FUS: variants seen among roughly 807,000 people sequenced by gnomAD.
The protein encoded by FUS is FUS RNA binding protein, also known as RNA-binding protein FUS.
Under a neutral mutation model 82.7 loss-of-function variants are expected in FUS, and 5 were observed. The observed-to-expected ratio is 0.06, with a 90% CI of 0.03 to 0.13. The LOEUF (loss-of-function observed/expected upper bound fraction) is 0.13, where lower values mean the gene tolerates loss of function less well. FUS is among the 10% of genes least tolerant of loss of function. The pLI, the probability that FUS is intolerant of heterozygous loss-of-function variation, is 1.00. For missense variants in FUS, 512 were observed against 707.8 expected (o/e 0.72, Z 3.14); for synonymous variants, 281 against 247.4 (o/e 1.14, Z -1.27).
intron 6 of FUS, chr16:31,185,875 A>AAGT (rs1434262762): frequency 3.8e-6 from 1 of 263,072 alleles, no homozygotes; most frequent in East Asian, 5.6e-5. Flanking sequence ...AGTTGATTTG[A>AAGT]AGTAAAACCT....
chr16:31,191,660 A>T, downstream of FUS: 1 of 701,206 alleles, frequency 1.4e-6, no homozygotes, highest in Non-Finnish European at 2.6e-6. Context: ...CCCGATCAGG[A>T]AGGTAGAGAG....
chr16:31,190,721 A>T, intron 12 of FUS, 21 bp from the exon 13 acceptor site: 1 of 1,606,808 alleles, frequency 6.2e-7, no homozygotes, highest in South Asian at 1.1e-5. Context: ...CTCCAGACTG[A>T]TTGTCTTCCT....
chr16:31,193,885 G>C, downstream of FUS: 1 of 527,634 alleles, frequency 1.9e-6, no homozygotes, highest in African/African-American at 1.9e-5. Flanking sequence ...GGCCTCAAGT[G>C]ACCTGCCTGC....
intron 9 of FUS, 71 bp downstream of exon 9, chr16:31,189,297 C>G: frequency 8.6e-7 from 1 of 1,157,692 alleles, no homozygotes; most frequent in Non-Finnish European, 1.3e-6. Flanking sequence ...TTAGTAAAAG[C>G]AAGTCTTTAA....
At chr16:31,187,518 A>G (rs528578535) in intron 7 of FUS, 1 of 228,962 alleles carries the variant, frequency 4.4e-6, no homozygotes, top group East Asian at 6.3e-5. Flanking sequence ...AACTGAATTC[A>G]TGGAAAAATG....
chr16:31,189,973 T>C lies in FUS; in HGVS notation c.1067-67T>C, dbSNP rs556693665. The C allele has an allele frequency of 9.7e-5, 151 of 1,559,926 alleles. No individual in the cohort carries two copies. In the African/African-American group the frequency reaches 1.8e-3, roughly 19 times the overall value. ...TATAAACCATTTGAGAAAGGCACGC[T>C]TCTCTTGTATTTTCGGATTAATGTG... On this transcript the variant is annotated intron_variant, in intron 10 of 14. Coordinates refer to ENST00000254108, the MANE Select transcript of FUS (RefSeq NM_004960.4).
At chr16:31,182,073 C>G (rs1596888751) in intron 1 of FUS, 1 of 384,766 alleles carries the variant, frequency 2.6e-6, no homozygotes, top group Non-Finnish European at 5.0e-6. Context: ...TCACTGCAAC[C>G]TCTGCCTCCC....
intron 1 of FUS, chr16:31,182,153 C>T: frequency 2.0e-6 from 1 of 510,264 alleles, no homozygotes; most frequent in Non-Finnish European, 3.6e-6. Flanking sequence ...CCATGCCCGG[C>T]TAATTTTTTG....
chr16:31,194,363 A>G (rs769270805), downstream of FUS: 10 of 520,152 alleles, frequency 1.9e-5, no homozygotes, highest in Admixed American at 6.8e-5. Context: ...ATCTCGACCA[A>G]CTGCAACCTC....
downstream of FUS, chr16:31,193,598 CAT>C: frequency 1.9e-6 from 1 of 529,586 alleles, no homozygotes; most frequent in Non-Finnish European, 3.7e-6. Flanking sequence ...CTTCAAATGG[CAT>C]ATGTGATTGG....
Position 31,190,857 on chromosome 16 carries a change from C to T in FUS, c.1393+15C>T. 6 of 1,613,520 alleles carry T rather than the reference C, an allele frequency of 3.7e-6. No homozygotes were observed. Among genetic ancestry groups the T allele is most frequent in the Non-Finnish European group, 5.1e-6 (6 of 1,179,460 alleles). ...CTCTCACATGGGTAAGAAAGGCAGA[C>T]CTGGTGCTAGGGAGCTGGGACCAAA... On this transcript the variant is annotated intron_variant, in intron 13 of 14. Transcript: ENST00000254108.
At position 31,185,014 on chromosome 16, in the gene FUS, G is replaced by A. The variant is rs2079243524; in HGVS notation, c.599G>A (p.Ser200Asn). Residue 200 changes from serine (S) to asparagine (N), a missense_variant, in exon 6 of 15, where the codon AGT becomes AAT. By Grantham distance (46) the Ser-to-Asn change is conservative. Coordinates refer to ENST00000254108, the MANE Select transcript of FUS (RefSeq NM_004960.4). ...GGCGGTTATGGCAATCAAGACCAGA[G>A]TGGTGGAGGTGGCAGCGGTGGCTAT... The part of the protein sequence containing the change: ...SGGGYGNQDQ[S>N]GGGGSGGYGQ... The A allele has an allele frequency of 1.2e-6, 2 of 1,613,580 alleles. No individual in the cohort carries two copies. The highest frequency in any genetic ancestry group is 1.7e-5 in the Admixed American group (1 of 59,884).
In FUS at chr16:31,190,319, G is replaced by C. The variant is rs749197480; in HGVS notation, c.1213G>C (p.Gly405Arg). The change falls in exon 12 of 15, where the codon GGT becomes CGT. Residue 405 changes from glycine (G) to arginine (R), a missense_variant. By Grantham distance (125) the Gly-to-Arg change is moderately radical (BLOSUM62 -2). Coordinates refer to ENST00000254108, the MANE Select transcript of FUS (RefSeq NM_004960.4). Reference sequence around the variant, plus strand: ...CTATGGAGGTGGTGGCAGTGGTGGTGGTGGCCGAGGAGGATTTCCCAGTGG... The same window carrying C: ...CTATGGAGGTGGTGGCAGTGGTGGTCGTGGCCGAGGAGGATTTCCCAGTGG... The part of the protein sequence containing the change: ...GGYGGGGSGG[G>R]GRGGFPSGGG... 5.0e-6 allele frequency: 8 copies of C among 1,614,164 alleles called. No individual in the cohort carries two copies. The highest frequency in any genetic ancestry group is 5.1e-6 in the Non-Finnish European group (6 of 1,180,006).
At chr16:31,194,762 T>G, downstream of FUS, 1 of 482,920 alleles carries the variant, frequency 2.1e-6, no homozygotes. Context: ...TAGAAAATTT[T>G]GAAATTTATG....
At chr16:31,190,574 G>C (rs1012589353) in intron 12 of FUS, 168 bp from the exon 13 acceptor site, 4 of 1,178,020 alleles carry the variant, frequency 3.4e-6, no homozygotes, top group Non-Finnish European at 5.1e-6. Flanking sequence ...GTAATGGATT[G>C]GGTTCAGTAA....
chr16:31,180,401 C>T (rs1185652614), intron 1 of FUS, among the ~76,000 whole-genome samples, 174 bp downstream of exon 1: 1 of 152,154 alleles, frequency 6.6e-6, no homozygotes, highest in Non-Finnish European at 1.5e-5. Context: ...CATTTTGTTT[C>T]GCTCCTCTGG....
rs781687565 is a variant in FUS at position 31,191,362 on chromosome 16, T to C, written c.1542-37T>C. On this transcript the variant is annotated intron_variant, in intron 14 of 14. Transcript: ENST00000254108. ...GGCTTGGAGAGGCTGGTAACTCAAA[T>C]ATAATGGATACTTAATTTTTTTTTT... 9.3e-6 allele frequency: 15 copies of C among 1,610,834 alleles called. No individual in the cohort carries two copies. The African/African-American group carries it at 1.5e-4, about 16-fold the overall frequency.
rs757651881 is a variant in FUS at position 31,185,099 on chromosome 16, C to CGGTGGTGGT, written c.685_693dup (p.Gly229_Gly231dup). ...GCAGTGGTGGCGGCGGCGGCGGCGG[C>CGGTGGTGGT]GGTGGTGGTTACAACCGCAGCAGTG... On this transcript the variant is annotated inframe_insertion, in exon 6 of 15. Coordinates refer to ENST00000254108, the MANE Select transcript of FUS (RefSeq NM_004960.4). 3.0e-4 allele frequency: 473 copies of CGGTGGTGGT among 1,601,748 alleles called. No individual in the cohort carries two copies. Among genetic ancestry groups the CGGTGGTGGT allele is most frequent in the Non-Finnish European group, 3.7e-4 (439 of 1,174,262 alleles).
In FUS at chr16:31,184,266, CCAGCAGCCTAGCTATGGTGGA is replaced by C. The variant is rs2079225850; in HGVS notation, c.401_421del (p.Pro134_Gln140del). 1.2e-6 allele frequency: 2 copies of C among 1,614,118 alleles called. No individual in the cohort carries two copies. The highest frequency in any genetic ancestry group is 1.7e-6 in the Non-Finnish European group (2 of 1,180,002). On this transcript the variant is annotated inframe_deletion, in exon 5 of 15. Transcript: ENST00000254108. ...GGCAGCCCCAGAGTGGGAGCTACAG[CCAGCAGCCTAGCTATGGTGGA>C]CAGCAGCAAAGCTATGGACAGCAGC...
Sources: allele counts gnomAD v4.1 joint callset (sites outside exome capture counted in the v4.1 genomes callset), GRCh38; gene constraint gnomAD v4.1.1; transcripts MANE v1.5; gene names NCBI Gene and HGNC (gene_info 2026-07-23, HGNC 2026-07-21).